RHOF: variants seen among roughly 807,000 people sequenced by gnomAD.
RHOF encodes rho-related GTP-binding protein RhoF.
RHOF carries 21 observed loss-of-function variants against 22.2 expected under a neutral mutation model. That is an observed-to-expected ratio of 0.95 (90% CI 0.67 to 1.36). The LOEUF is 1.36. RHOF is among the 40% of genes most tolerant of loss of function. The pLI, the probability that RHOF is intolerant of heterozygous loss-of-function variation, is 0.00. For missense variants in RHOF, 285 were observed against 293.7 expected, an observed-to-expected ratio of 0.97 and a Z score of 0.22; for synonymous variants, 135 against 131.2, an observed-to-expected ratio of 1.03 and a Z score of -0.20.
At position 121,779,235 on chromosome 12, in the gene RHOF, G is replaced by A. The variant is rs1474654624; in HGVS notation, c.*263C>T. The A allele has an allele frequency of 1.9e-6, 1 of 522,298 alleles. No individual in the cohort carries two copies. The highest frequency in any genetic ancestry group is 3.2e-5 in the East Asian group (1 of 31,604). 32.4% of individuals were successfully genotyped at this position (522,298 alleles called of 1,614,324 possible). On this transcript the variant is annotated 3_prime_UTR_variant, in exon 5 of 5. Transcript: ENST00000267205. The stretch of plus-strand genomic sequence containing the variant: ...GGAGACACTCGTGGTGGGGGTGGCT[G>A]TGATGAGGGCACTTGCGAGTCCCGA...
intron 2 of RHOF, among the ~76,000 whole-genome samples, chr12:121,785,111 C>T (rs570357916): frequency 2.0e-5 from 3 of 152,184 alleles, no homozygotes; most frequent in South Asian, 4.1e-4. Flanking sequence ...ATCACTTGAA[C>T]TCAGGAGTTC....
intron 4 of RHOF, chr12:121,780,448 A>G: frequency 3.5e-6 from 1 of 289,050 alleles, no homozygotes; most frequent in Non-Finnish European, 6.5e-6. Context: ...TGCCTCACCC[A>G]AAGAGTTGCA....
Position 121,793,604 on chromosome 12 carries a change from G to T in RHOF, c.30C>A (p.Thr10=). The change falls in exon 1 of 5, where the codon ACC becomes ACA. Residue 10 remains threonine, a synonymous_variant. Coordinates refer to ENST00000267205, the MANE Select transcript of RHOF (RefSeq NM_019034.3). ...CCTTCCTGCCCGGACCGGGGGCGGCGGTCTGGGCCAGGGCCCCGGGGGCAT... is the reference window on the plus strand; with the variant it reads ...CCTTCCTGCCCGGACCGGGGGCGGCTGTCTGGGCCAGGGCCCCGGGGGCAT... MDAPGALAQ[T]AAPGPGRKEL... 1.3e-6 allele frequency: 2 copies of T among 1,550,976 alleles called. No homozygotes were observed. The highest frequency in any genetic ancestry group is 2.4e-5 in the East Asian group (1 of 42,022).
rs370582630 is a variant in RHOF, at chr12:121,781,022, G to A, written c.337-16C>T. Reference sequence around the variant, plus strand: ...CAGGGAACCACTGTGGAGGGAGGAGGCGGGATCAGGGGTGCGGCCGGGCCC... The same window carrying A: ...CAGGGAACCACTGTGGAGGGAGGAGACGGGATCAGGGGTGCGGCCGGGCCC... On this transcript the variant is annotated splice_polypyrimidine_tract_variant and intron_variant, in intron 3 of 4. Coordinates refer to ENST00000267205, the MANE Select transcript of RHOF (RefSeq NM_019034.3). 46 of 1,613,300 alleles carry A rather than the reference G, an allele frequency of 2.9e-5. No homozygotes were observed. Among genetic ancestry groups the A allele is most frequent in the Non-Finnish European group, 3.8e-5 (45 of 1,179,474 alleles).
At position 121,781,072 on chromosome 12, in the gene RHOF, G is replaced by A; in HGVS notation, c.336+11C>T. 2 of 1,614,130 alleles carry A rather than the reference G, an allele frequency of 1.2e-6. No homozygotes were observed. Among genetic ancestry groups the A allele is most frequent in the Non-Finnish European group, 1.7e-6 (2 of 1,179,970 alleles). Reference sequence around the variant, plus strand: ...CAGATGTGGGGCCACCACCCAGGAGGCCGGCCTCACCTTGATGAGGACGTT... The same window carrying A: ...CAGATGTGGGGCCACCACCCAGGAGACCGGCCTCACCTTGATGAGGACGTT... On this transcript the variant is annotated intron_variant, in intron 3 of 4. Coordinates refer to ENST00000267205, the MANE Select transcript of RHOF (RefSeq NM_019034.3).
At chr12:121,787,909 AGGG>A (rs60048337) in intron 2 of RHOF, among the ~76,000 whole-genome samples, 3,154 of 48,936 alleles carry the variant, frequency 0.064, 139 homozygotes, top group Non-Finnish European at 0.083. Flanking sequence ...AAAAAAAAAA[AGGG>A]GGGGGGGGCG....
chr12:121,780,788 A>G, intron 4 of RHOF, 84 bp downstream of exon 4: 1 of 1,481,054 alleles, frequency 6.8e-7, no homozygotes, highest in Non-Finnish European at 9.1e-7. Context: ...CTGAAAGGCC[A>G]CTAAGGCACC....
chr12:121,781,163 GGGGCC>G lies in RHOF; in HGVS notation c.251_255del (p.Arg84ProfsTer14). 6.2e-7 allele frequency: 1 copy of G among 1,614,120 alleles called. No homozygotes were observed. Among genetic ancestry groups the G allele is most frequent in the Non-Finnish European group, 8.5e-7 (1 of 1,179,956 alleles). On this transcript the variant is annotated frameshift_variant, in exon 3 of 5. Coordinates refer to ENST00000267205, the MANE Select transcript of RHOF (RefSeq NM_019034.3). LOFTEE classifies it high-confidence loss of function. Reference sequence around the variant, plus strand: ...ACGAGGTGGGTGTTCTGGTAGGACAGGGGCCGCAGCCGGTCATAGTCTTCTTGCCC... The same window carrying G: ...ACGAGGTGGGTGTTCTGGTAGGACAGGCAGCCGGTCATAGTCTTCTTGCCC...
rs1024081959 is a variant in RHOF, at chr12:121,793,339, C to G, written c.139-100G>C. On this transcript the variant is annotated intron_variant, in intron 1 of 4. Coordinates refer to ENST00000267205, the MANE Select transcript of RHOF (RefSeq NM_019034.3). ...CCCCCCTCACTCGTCCCGGATCAGCCCCCCCTCACCCCGCTGGGCTCTGGA... is the reference window on the plus strand; with the variant it reads ...CCCCCCTCACTCGTCCCGGATCAGCGCCCCCTCACCCCGCTGGGCTCTGGA... 3.5e-5 allele frequency: 50 copies of G among 1,427,450 alleles called. No homozygotes were observed. The African/African-American group carries it at 3.8e-4, about 11-fold the overall frequency. 88.4% of individuals were successfully genotyped at this position (1,427,450 alleles called of 1,614,324 possible).
rs1874424515 is a variant in RHOF, at chr12:121,780,859, G to A, written c.471+13C>T. On this transcript the variant is annotated intron_variant, in intron 4 of 4. Transcript: ENST00000267205. ...AGCCACGGCTGTGCCCCAGGGTCTT[G>A]GCCCCGGCCCACCTGCATGTAGGTG... is the stretch of plus-strand genomic sequence containing the variant. The A allele has an allele frequency of 6.2e-7, 1 of 1,610,166 alleles. No individual in the cohort carries two copies. Among genetic ancestry groups the A allele is most frequent in the African/African-American group, 1.3e-5 (1 of 74,868 alleles).
At position 121,780,483 on chromosome 12, in the gene RHOF, C is replaced by T. The variant is rs144191728; in HGVS notation, c.471+389G>A. ...ACGGTCAATTGGCCCGTGAAGGGGA[C>T]GCCTACTTTCAAACAAGGCAGACAG... On this transcript the variant is annotated intron_variant, in intron 4 of 4. Coordinates refer to ENST00000267205, the MANE Select transcript of RHOF (RefSeq NM_019034.3). 510 of 351,160 alleles carry T rather than the reference C, an allele frequency of 1.5e-3. 3 individuals are homozygous for T. Among genetic ancestry groups the T allele is most frequent in the African/African-American group, 9.3e-3 (443 of 47,886 alleles). The allele number at this position is 351,160 out of a possible 1,614,324, so 21.8% of individuals were successfully genotyped here.
chr12:121,786,922 C>T (rs1467168281), intron 2 of RHOF, among the ~76,000 whole-genome samples: 1 of 152,120 alleles, frequency 6.6e-6, no homozygotes, highest in South Asian at 2.1e-4. Flanking sequence ...CGTGTAGTCC[C>T]AGCTACTTGG....
chr12:121,785,166 C>T (rs1874573934), intron 2 of RHOF, among the ~76,000 whole-genome samples: 1 of 152,122 alleles, frequency 6.6e-6, no homozygotes, highest in Non-Finnish European at 1.5e-5. Context: ...GACTGACTCA[C>T]AGGCAGGTGG....
At chr12:121,784,313 G>A (rs376661154) in intron 2 of RHOF, among the ~76,000 whole-genome samples, 2,878 of 110,748 alleles carry the variant, frequency 0.026, 7 homozygotes, top group African/African-American at 0.051. Context: ...TTGGGAGGCC[G>A]AGGCAGGGGG....
intron 2 of RHOF, among the ~76,000 whole-genome samples, chr12:121,784,425 G>A (rs12303659): frequency 0.19 from 28,939 of 150,016 alleles, 3,175 homozygotes; most frequent in African/African-American, 0.3. Context: ...GGTGCCTGTA[G>A]TCCCAGCTAC....
intron 2 of RHOF, among the ~76,000 whole-genome samples, chr12:121,790,934 C>CGTGAT (rs1392624699): frequency 6.6e-6 from 1 of 152,106 alleles, no homozygotes. Flanking sequence ...AGTGCAGTAG[C>CGTGAT]GTGATCTTGA....
intron 2 of RHOF, among the ~76,000 whole-genome samples, chr12:121,785,093 G>GCGGGAGGATCACTTGAACT: frequency 6.6e-6 from 1 of 152,304 alleles, no homozygotes; most frequent in East Asian, 1.9e-4. Flanking sequence ...GGAAGCCAAG[G>GCGGGAGGATCACTTGAACT]CGGGAGGATC....
chr12:121,781,491 C>T (rs927433350), intron 2 of RHOF: 13 of 340,802 alleles, frequency 3.8e-5, no homozygotes, highest in African/African-American at 1.5e-4. Context: ...AACCCATGAG[C>T]GGCAGCCCCC....
intron 2 of RHOF, among the ~76,000 whole-genome samples, chr12:121,785,737 A>C (rs1874591718): frequency 6.6e-6 from 1 of 151,744 alleles, no homozygotes; most frequent in Admixed American, 6.6e-5. Flanking sequence ...CAGCCTCCTG[A>C]GTAGCTGGGA....
Sources: gnomAD v4.1 joint callset for allele counts (sites outside exome capture counted in the v4.1 genomes callset) on GRCh38, gnomAD v4.1.1 for gene constraint, MANE v1.5 for transcripts, NCBI Gene and HGNC (gene_info 2026-07-23, HGNC 2026-07-21) for gene names.